Variants in CD38 observed in about 807,000 individuals in gnomAD.
CD38 encodes CD38 molecule, also known as ADP-ribosyl cyclase/cyclic ADP-ribose hydrolase 1.
A neutral mutation model predicts 36.3 loss-of-function variants in CD38; 31 were observed. The observed-to-expected ratio is 0.85, with a 90% confidence interval of 0.64 to 1.15. The LOEUF is 1.15. Ranked by LOEUF, CD38 falls within the 50% of genes most tolerant of loss-of-function variation. CD38 has a pLI of 0.00. For missense variants in CD38, 380 were observed against 371.9 expected (o/e 1.02, Z -0.18); for synonymous variants, 131 against 135.2 (o/e 0.97, Z 0.22).
intron 1 of CD38, among the ~76,000 whole-genome samples, chr4:15,793,681 G>A (rs1480486833): frequency 6.6e-6 from 1 of 152,166 alleles, no homozygotes; most frequent in African/African-American, 2.4e-5. Context: ...GCAGGACAAG[G>A]ACATCAGCCT....
chr4:15,784,146 G>C (rs1722761595), intron 1 of CD38, among the ~76,000 whole-genome samples: 1 of 152,216 alleles, frequency 6.6e-6, no homozygotes, highest in African/African-American at 2.4e-5. Context: ...CTTCTGTGCA[G>C]TTAGTGCTGC....
intron 6 of CD38, 59 bp from the exon 7 acceptor site, chr4:15,840,393 A>G (rs1045764753): frequency 4.3e-6 from 5 of 1,155,182 alleles, no homozygotes; most frequent in South Asian, 1.3e-5. Context: ...AAAAACAAAG[A>G]GACTCCAAAA....
intron 1 of CD38, among the ~76,000 whole-genome samples, chr4:15,780,493 T>C (rs1344473043): frequency 6.9e-6 from 1 of 145,378 alleles, no homozygotes; most frequent in Non-Finnish European, 1.5e-5. Flanking sequence ...GAGATTTTTA[T>C]ATATTTTAGA....
chr4:15,847,896 G>A (rs1051164433), intron 7 of CD38, among the ~76,000 whole-genome samples: 5 of 152,104 alleles, frequency 3.3e-5, no homozygotes, highest in African/African-American at 1.2e-4. Context: ...TATGGGCATG[G>A]CTTCCATTTG....
chr4:15,796,051 GAT>G (rs1723098019), intron 1 of CD38, among the ~76,000 whole-genome samples: 1 of 152,104 alleles, frequency 6.6e-6, no homozygotes. Flanking sequence ...TCCTAAAAGA[GAT>G]AGTTTATGAG....
rs922360853 is a variant in CD38 at position 15,816,505 on chromosome 4, T to C, written c.234-6T>C. The C allele has an allele frequency of 2.5e-6, 4 of 1,590,154 alleles. No individual in the cohort carries two copies. Among genetic ancestry groups the C allele is most frequent in the African/African-American group, 1.3e-5 (1 of 74,102 alleles). On this transcript the variant is annotated splice_region_variant and splice_polypyrimidine_tract_variant and intron_variant, in intron 1 of 7. Transcript: ENST00000226279. Reference sequence around the variant, plus strand: ...TTTATGTTTTATTTTCTGTGTTTTATCTCAGACATGTAGACTGCCAAAGTG... The same window carrying C: ...TTTATGTTTTATTTTCTGTGTTTTACCTCAGACATGTAGACTGCCAAAGTG...
chr4:15,817,551 A>G (rs1235829624), intron 2 of CD38, among the ~76,000 whole-genome samples: 2 of 152,230 alleles, frequency 1.3e-5, no homozygotes, highest in African/African-American at 2.4e-5. Flanking sequence ...ATTTACTTGC[A>G]TTTATCTCAG....
chr4:15,779,112 A>G (rs1410230008), intron 1 of CD38, among the ~76,000 whole-genome samples: 1 of 147,704 alleles, frequency 6.8e-6, no homozygotes, highest in Non-Finnish European at 1.5e-5. Context: ...GGACGGTTAC[A>G]GAGGACACTT....
At position 15,787,610 on chromosome 4, in the gene CD38, G is replaced by A. The variant is rs76928572; in HGVS notation, c.233+8963G>A. ...GTCTTTGTACTTCAGGAATGATTAC[G>A]AATCTTTGTAGGTAAAGCGGCAGAA... On this transcript the variant is annotated intron_variant, in intron 1 of 7. Transcript: ENST00000226279. Among the ~76,000 whole-genome samples, 691 of 152,292 alleles carry A rather than the reference G, an allele frequency of 4.5e-3. 4 individuals carry two copies. The highest frequency in any genetic ancestry group is 0.01 in the Middle Eastern group (3 of 294).
chr4:15,831,780 C>T (rs539467985), intron 3 of CD38, among the ~76,000 whole-genome samples: 68 of 152,198 alleles, frequency 4.5e-4, no homozygotes, highest in African/African-American at 1.5e-3. Context: ...TGGGTTAAAT[C>T]TGCTTGGTGT....
chr4:15,831,150 GCTAATACAAA>G (rs1286887804), intron 3 of CD38, among the ~76,000 whole-genome samples: 1 of 152,110 alleles, frequency 6.6e-6, no homozygotes, highest in African/African-American at 2.4e-5. Context: ...CAAACAGAAA[GCTAATACAAA>G]CTCTATACCT....
At chr4:15,811,158 C>G (rs1723460065) in intron 1 of CD38, among the ~76,000 whole-genome samples, 1 of 152,174 alleles carries the variant, frequency 6.6e-6, no homozygotes, top group Non-Finnish European at 1.5e-5. Flanking sequence ...CTTTACTACT[C>G]TGGATGCAAG....
intron 1 of CD38, among the ~76,000 whole-genome samples, chr4:15,803,192 T>G (rs1289051656): frequency 1.3e-5 from 2 of 152,108 alleles, no homozygotes; most frequent in African/African-American, 4.8e-5. Flanking sequence ...ATGAAACTAC[T>G]AAGAGAAAAC....
At chr4:15,783,372 C>G (rs2148913037) in intron 1 of CD38, among the ~76,000 whole-genome samples, 1 of 152,262 alleles carries the variant, frequency 6.6e-6, no homozygotes, top group Non-Finnish European at 1.5e-5. Context: ...GGGTGAAAAC[C>G]AGCCCTCTCC....
chr4:15,823,199 G>A (rs772902511), intron 2 of CD38, among the ~76,000 whole-genome samples: 1 of 152,146 alleles, frequency 6.6e-6, no homozygotes, highest in African/African-American at 2.4e-5. Context: ...AGACTTAAAT[G>A]TATAACCCAA....
At chr4:15,787,015 G>C (rs569978347) in intron 1 of CD38, among the ~76,000 whole-genome samples, 12 of 151,874 alleles carry the variant, frequency 7.9e-5, no homozygotes, top group Non-Finnish European at 1.2e-4. Flanking sequence ...TGCTGCGCTC[G>C]CCGGCCGCTC....
chr4:15,835,177 C>T (rs1724040109), intron 4 of CD38, among the ~76,000 whole-genome samples: 1 of 151,944 alleles, frequency 6.6e-6, no homozygotes, highest in East Asian at 1.9e-4. Flanking sequence ...CTACCTATCT[C>T]CTCCTCCTCC....
chr4:15,796,475 C>T (rs1418699435), intron 1 of CD38, among the ~76,000 whole-genome samples: 1 of 152,016 alleles, frequency 6.6e-6, no homozygotes, highest in Admixed American at 6.5e-5. Flanking sequence ...AAATTATTAA[C>T]ATTTTAAATA....
chr4:15,848,181 A>G (rs1235649490), intron 7 of CD38, among the ~76,000 whole-genome samples: 3 of 152,156 alleles, frequency 2.0e-5, no homozygotes, highest in Admixed American at 1.3e-4. Context: ...GTACTTATCT[A>G]AGGTTTGTTT....
Sources: gnomAD v4.1 joint callset for allele counts (sites outside exome capture counted in the v4.1 genomes callset) on GRCh38, gnomAD v4.1.1 for gene constraint, MANE v1.5 for transcripts, NCBI Gene and HGNC (gene_info 2026-07-23, HGNC 2026-07-21) for gene names.